Variants in KSR2 observed in about 807,000 individuals in gnomAD.
KSR2 encodes the protein kinase suppressor of ras 2.
In KSR2, 25 loss-of-function variants were observed where a neutral mutation model predicts 107.8. The observed-to-expected ratio is 0.23, with a 90% CI of 0.17 to 0.32. The LOEUF (loss-of-function observed/expected upper bound fraction) is 0.32, where lower values mean the gene tolerates loss of function less well. Ranked by LOEUF, KSR2 falls within the 10% of genes least tolerant of loss-of-function variation. The pLI, the probability that KSR2 is intolerant of heterozygous loss-of-function variation, is 1.00. For synonymous variants in KSR2, 480 were observed against 507.0 expected (o/e 0.95, Z 0.71); for missense variants, 887 against 1,268.9 (o/e 0.70, Z 4.57).
At chr12:117,587,102 G>A (rs1259668104) in intron 5 of KSR2, among the ~76,000 whole-genome samples, 1 of 152,152 alleles carries the variant, frequency 6.6e-6, no homozygotes, top group Non-Finnish European at 1.5e-5. Context: ...ACCTCTGTCT[G>A]GGAAGGACCA....
intron 5 of KSR2, among the ~76,000 whole-genome samples, chr12:117,589,411 T>C (rs1424719732): frequency 2.0e-5 from 3 of 152,196 alleles, no homozygotes; most frequent in Admixed American, 1.3e-4. Flanking sequence ...CCCTTTTAGG[T>C]GCTAAAGCTC....
chr12:117,853,439 C>T (rs1184962211), intron 3 of KSR2, among the ~76,000 whole-genome samples: 1 of 152,016 alleles, frequency 6.6e-6, no homozygotes, highest in East Asian at 1.9e-4. Context: ...ACCTCCAGGA[C>T]TCAAGCAATC....
At chr12:117,963,844 T>A (rs1448314414) in intron 1 of KSR2, among the ~76,000 whole-genome samples, 2 of 152,122 alleles carry the variant, frequency 1.3e-5, no homozygotes, top group Non-Finnish European at 2.9e-5. Context: ...TTCATCTGGT[T>A]TGTTGTTCTT....
intron 4 of KSR2, among the ~76,000 whole-genome samples, chr12:117,689,271 C>T (rs1885718816): frequency 6.6e-6 from 1 of 152,026 alleles, no homozygotes; most frequent in East Asian, 1.9e-4. Context: ...GACCAGGGGT[C>T]ATCCACCAAA....
intron 5 of KSR2, among the ~76,000 whole-genome samples, chr12:117,660,554 A>G (rs1004094414): frequency 1.3e-5 from 2 of 152,000 alleles, no homozygotes; most frequent in African/African-American, 4.8e-5. Context: ...CATTCTAATG[A>G]CCTCATTTTA....
intron 1 of KSR2, among the ~76,000 whole-genome samples, chr12:117,904,279 GGA>G (rs1894775330): frequency 6.6e-6 from 1 of 152,142 alleles, no homozygotes; most frequent in African/African-American, 2.4e-5. Flanking sequence ...CTCCATGCCT[GGA>G]GGTGCTTCTG....
chr12:117,514,843 C>A (rs961011128), intron 14 of KSR2, among the ~76,000 whole-genome samples: 1 of 151,954 alleles, frequency 6.6e-6, no homozygotes, highest in East Asian at 1.9e-4. Flanking sequence ...CCACCGCACC[C>A]GGTCAGATCT....
intron 3 of KSR2, among the ~76,000 whole-genome samples, chr12:117,853,795 G>A (rs1277528382): frequency 6.6e-6 from 1 of 152,170 alleles, no homozygotes; most frequent in Non-Finnish European, 1.5e-5. Flanking sequence ...ACACCATTGT[G>A]CTAGAGGTAA....
chr12:117,815,990 A>AGTGTGTGTGTGTGT (rs35013081), intron 3 of KSR2, among the ~76,000 whole-genome samples: 1 of 113,586 alleles, frequency 8.8e-6, no homozygotes, highest in Non-Finnish European at 1.8e-5. Context: ...AAAAAAATAA[A>AGTGTGTGTGTGTGT]GTGTGTGTGT....
At chr12:117,591,165 T>C (rs545371376) in intron 5 of KSR2, among the ~76,000 whole-genome samples, 3 of 152,330 alleles carry the variant, frequency 2.0e-5, no homozygotes, top group South Asian at 2.1e-4. Context: ...TGTCTCTTCG[T>C]AGAATAGTCC....
intron 3 of KSR2, among the ~76,000 whole-genome samples, chr12:117,793,186 G>A (rs1270921614): frequency 7.5e-5 from 9 of 119,500 alleles, no homozygotes; most frequent in African/African-American, 2.5e-4. Context: ...ACACACCAAT[G>A]TGCACACATA....
At chr12:117,887,111 A>G (rs1418291431) in intron 1 of KSR2, among the ~76,000 whole-genome samples, 1 of 151,730 alleles carries the variant, frequency 6.6e-6, no homozygotes, top group Non-Finnish European at 1.5e-5. Context: ...TTTAGTAGAG[A>G]TGGAGTCTTG....
Position 117,454,795 on chromosome 12 carries a change from A to G in KSR2, c.*12404T>C, listed in dbSNP as rs551326977. ...GAAGAAGGTTTTTTGGTATGGCAAG[A>G]CAGAACTGGGGGCCCCAGAGACATC... On this transcript the variant is annotated 3_prime_UTR_variant, in exon 20 of 20. Transcript: ENST00000339824. The G allele has an allele frequency of 6.6e-6, 1 of 152,362 alleles. No homozygotes were observed. The highest frequency in any genetic ancestry group is 2.1e-4 in the South Asian group (1 of 4,818). The allele number at this position is 152,362 out of a possible 1,614,324, so 9.4% of individuals were successfully genotyped here. A position where few individuals can be genotyped will look rare whatever the true frequency, so the allele number is the denominator to read the frequency against.
intron 5 of KSR2, among the ~76,000 whole-genome samples, chr12:117,600,876 G>A (rs932269377): frequency 6.6e-6 from 1 of 152,120 alleles, no homozygotes; most frequent in African/African-American, 2.4e-5. Context: ...AAATGGTAAA[G>A]GCATGGGGGT....
intron 4 of KSR2, among the ~76,000 whole-genome samples, chr12:117,755,285 A>T (rs1010868374): frequency 2.0e-5 from 3 of 152,112 alleles, no homozygotes; most frequent in Non-Finnish European, 2.9e-5. Flanking sequence ...CAGACATCAC[A>T]TTTTTTTACA....
At chr12:117,718,313 C>T (rs1045463426) in intron 4 of KSR2, among the ~76,000 whole-genome samples, 2 of 152,196 alleles carry the variant, frequency 1.3e-5, no homozygotes, top group Non-Finnish European at 1.5e-5. Context: ...CCTCTGGAAC[C>T]ACTTTACTGA....
At chr12:117,559,630 G>A (rs557082403) in intron 7 of KSR2, among the ~76,000 whole-genome samples, 21 of 152,102 alleles carry the variant, frequency 1.4e-4, no homozygotes, top group Non-Finnish European at 3.1e-4. Context: ...TAATGAAATC[G>A]GTGCCAGGTA....
chr12:117,963,072 C>T (rs1896702084), intron 1 of KSR2, among the ~76,000 whole-genome samples: 1 of 151,890 alleles, frequency 6.6e-6, no homozygotes. Context: ...GGCTTGTAAT[C>T]CCAGCTACTC....
At chr12:117,701,725 A>T (rs1275132062) in intron 4 of KSR2, among the ~76,000 whole-genome samples, 5 of 152,166 alleles carry the variant, frequency 3.3e-5, no homozygotes, top group Non-Finnish European at 7.3e-5. Flanking sequence ...AGAGGAGAAG[A>T]CACAGAACAG....
Sources: allele counts gnomAD v4.1 joint callset (sites outside exome capture counted in the v4.1 genomes callset), GRCh38; gene constraint gnomAD v4.1.1; transcripts MANE v1.5; gene names NCBI Gene and HGNC (gene_info 2026-07-23, HGNC 2026-07-21).